OTUD7A: variants seen among roughly 807,000 people sequenced by gnomAD.
OTUD7A encodes OTU deubiquitinase 7A.
Under a neutral mutation model 65.7 loss-of-function variants are expected in OTUD7A, and 12 were observed. That is an observed-to-expected ratio of 0.18 (90% CI 0.12 to 0.30). The LOEUF (loss-of-function observed/expected upper bound fraction) is 0.30, where lower values mean the gene tolerates loss of function less well. OTUD7A is among the 10% of genes least tolerant of loss of function. The pLI, the probability that OTUD7A is intolerant of heterozygous loss-of-function variation, is 1.00. For missense variants in OTUD7A, 1,148 were observed against 1,304.8 expected, an observed-to-expected ratio of 0.88 and a Z score of 1.85; for synonymous variants, 641 against 586.3, an observed-to-expected ratio of 1.09 and a Z score of -1.35.
intron 1 of OTUD7A, among the ~76,000 whole-genome samples, chr15:31,824,045 G>A (rs972452094): frequency 4.6e-5 from 7 of 152,126 alleles, no homozygotes; most frequent in Admixed American, 1.3e-4. Flanking sequence ...GCGAAAAGAC[G>A]AAGACACAGT....
At chr15:31,507,876 AG>A (rs1157716361) in intron 8 of OTUD7A, among the ~76,000 whole-genome samples, 1 of 152,184 alleles carries the variant, frequency 6.6e-6, no homozygotes, top group African/African-American at 2.4e-5. Flanking sequence ...CACTCAACCC[AG>A]GAAGTCCAGC....
chr15:31,534,270 A>G (rs921528268), intron 5 of OTUD7A, among the ~76,000 whole-genome samples: 3 of 152,234 alleles, frequency 2.0e-5, no homozygotes, highest in Admixed American at 2.0e-4. Context: ...AAATCAATCA[A>G]TATAATTCAC....
chr15:31,610,492 TG>T (rs1397287990), intron 3 of OTUD7A, among the ~76,000 whole-genome samples: 1 of 150,466 alleles, frequency 6.6e-6, no homozygotes, highest in African/African-American at 2.4e-5. Flanking sequence ...ATCCAAGAAC[TG>T]TAGAATACAC....
chr15:31,726,480 A>G lies in OTUD7A; in HGVS notation c.-99-69403T>C, dbSNP rs79220658. On this transcript the variant is annotated intron_variant, in intron 1 of 12. Transcript: ENST00000307050. Reference sequence around the variant, plus strand: ...TAGCTAAGAAGAAAGGAAGGAAGGAAAAAAGGAAAGGGAGATCTAAGCTTG... The same window carrying G: ...TAGCTAAGAAGAAAGGAAGGAAGGAGAAAAGGAAAGGGAGATCTAAGCTTG... Among the ~76,000 whole-genome samples, 1,182 of 152,334 alleles carry G rather than the reference A, an allele frequency of 7.8e-3. 4 individuals are homozygous for G. Among genetic ancestry groups the G allele is most frequent in the Non-Finnish European group, 0.012 (845 of 68,028 alleles).
intron 1 of OTUD7A, among the ~76,000 whole-genome samples, chr15:31,795,674 T>C (rs1176970690): frequency 6.6e-6 from 1 of 152,214 alleles, no homozygotes; most frequent in African/African-American, 2.4e-5. Context: ...CTCCCCGGCC[T>C]GCACGTTCCT....
intron 3 of OTUD7A, 61 bp from the exon 4 acceptor site, chr15:31,570,258 G>A: frequency 2.6e-6 from 4 of 1,537,292 alleles, no homozygotes; most frequent in Non-Finnish European, 3.6e-6. Flanking sequence ...TCTCATCATA[G>A]AGAAGAACTG....
At chr15:31,756,609 TA>T (rs1163125164) in intron 1 of OTUD7A, among the ~76,000 whole-genome samples, 1 of 147,580 alleles carries the variant, frequency 6.8e-6, no homozygotes, top group Non-Finnish European at 1.5e-5. Context: ...CAGGAATGCA[TA>T]AAAACCCAGT....
chr15:31,734,822 T>TA (rs772775335), intron 1 of OTUD7A, among the ~76,000 whole-genome samples: 14 of 151,326 alleles, frequency 9.3e-5, no homozygotes, highest in Non-Finnish European at 1.9e-4. Flanking sequence ...ACCTAGGCAA[T>TA]ACCATCCTGG....
chr15:31,572,910 A>C (rs113832606), intron 3 of OTUD7A, among the ~76,000 whole-genome samples: 170 of 152,248 alleles, frequency 1.1e-3, no homozygotes, highest in African/African-American at 3.9e-3. Flanking sequence ...AATCCAACAT[A>C]CTCATAATTT....
chr15:31,499,593 A>AG (rs1183367801), intron 10 of OTUD7A, among the ~76,000 whole-genome samples: 1 of 152,250 alleles, frequency 6.6e-6, no homozygotes, highest in East Asian at 1.9e-4. Flanking sequence ...CACAGAGGGA[A>AG]GGCTGCAGAG....
chr15:31,511,872 G>C (rs2141099749), intron 8 of OTUD7A, among the ~76,000 whole-genome samples: 1 of 151,698 alleles, frequency 6.6e-6, no homozygotes, highest in South Asian at 2.1e-4. Flanking sequence ...CGACAATGGG[G>C]ATTTTTTACC....
At chr15:31,501,027 T>C (rs74010671) in intron 10 of OTUD7A, among the ~76,000 whole-genome samples, 2,203 of 152,408 alleles carry the variant, frequency 0.014, 66 homozygotes, top group African/African-American at 0.05. Context: ...AATTGTGCAG[T>C]GCACAGCCTG....
intron 1 of OTUD7A, among the ~76,000 whole-genome samples, chr15:31,687,912 G>C (rs1892875162): frequency 6.6e-6 from 1 of 152,142 alleles, no homozygotes; most frequent in Non-Finnish European, 1.5e-5. Context: ...AAAAGACAAA[G>C]AATGTAAAAA....
At chr15:31,540,685 T>C (rs1415320517) in intron 5 of OTUD7A, among the ~76,000 whole-genome samples, 1 of 152,222 alleles carries the variant, frequency 6.6e-6, no homozygotes, top group Non-Finnish European at 1.5e-5. Flanking sequence ...GTATTATGCA[T>C]ATACAGGTCC....
intron 1 of OTUD7A, among the ~76,000 whole-genome samples, chr15:31,733,605 G>C (rs566602476): frequency 7.2e-5 from 11 of 152,328 alleles, no homozygotes; most frequent in Non-Finnish European, 1.5e-4. Context: ...AGGGAACAGA[G>C]ATTACATCTG....
rs150604501 is a variant in OTUD7A, at chr15:31,660,916, T to G, written c.-99-3839A>C. ...GTGGGCAGTGCTGGGACACACCACT[T>G]GTACCTGAGGCTCGGAGAAGGCACA... On this transcript the variant is annotated intron_variant, in intron 1 of 12. Transcript: ENST00000307050. 4.4e-3 allele frequency among the ~76,000 whole-genome samples: 675 copies of G among 152,352 alleles called. 7 individuals carry two copies. Among genetic ancestry groups the G allele is most frequent in the African/African-American group, 0.015 (639 of 41,578 alleles).
At chr15:31,816,738 T>C (rs1460931458) in intron 1 of OTUD7A, among the ~76,000 whole-genome samples, 1 of 151,950 alleles carries the variant, frequency 6.6e-6, no homozygotes, top group African/African-American at 2.4e-5. Context: ...AGACATTTAC[T>C]ACTTAAAAGA....
chr15:31,567,901 A>G (rs1888927277), intron 4 of OTUD7A, among the ~76,000 whole-genome samples: 1 of 152,264 alleles, frequency 6.6e-6, no homozygotes, highest in African/African-American at 2.4e-5. Context: ...GTAGACATGT[A>G]GAATGCAAGA....
intron 1 of OTUD7A, among the ~76,000 whole-genome samples, chr15:31,714,176 G>A (rs62002683): frequency 0.48 from 71,195 of 147,482 alleles, 19,676 homozygotes; most frequent in South Asian, 0.66. Context: ...AATACAGGAA[G>A]TATCGCCATA....
Sources: gnomAD v4.1 joint callset for allele counts (sites outside exome capture counted in the v4.1 genomes callset) on GRCh38, gnomAD v4.1.1 for gene constraint, MANE v1.5 for transcripts, NCBI Gene and HGNC (gene_info 2026-07-23, HGNC 2026-07-21) for gene names.